BABAM2: variants seen among roughly 807,000 people sequenced by gnomAD.
BABAM2 encodes BRISC and BRCA1-A complex member 2.
In BABAM2, 31 loss-of-function variants were observed where a neutral mutation model predicts 54.7. The observed-to-expected ratio is 0.57, with a 90% CI of 0.43 to 0.77. The LOEUF is 0.77. Ranked by LOEUF, BABAM2 falls within the 30% of genes least tolerant of loss-of-function variation. The probability of loss-of-function intolerance (pLI) is 0.00; values close to 1 mark genes in which losing one functional copy is unlikely to be tolerated. For synonymous variants in BABAM2, 167 were observed against 162.9 expected, an observed-to-expected ratio of 1.03 and a Z score of -0.19; for missense variants, 364 against 455.8, an observed-to-expected ratio of 0.80 and a Z score of 1.83.
intron 3 of BABAM2, among the ~76,000 whole-genome samples, chr2:27,936,705 G>A (rs10194780): frequency 0.71 from 107,192 of 151,734 alleles, 38,784 homozygotes; most frequent in Middle Eastern, 0.83. Flanking sequence ...AGGACAAAAA[G>A]CCAAACACCG....
At chr2:28,138,931 A>G (rs767134164) in intron 7 of BABAM2, among the ~76,000 whole-genome samples, 5 of 152,178 alleles carry the variant, frequency 3.3e-5, no homozygotes, top group Non-Finnish European at 5.9e-5. Flanking sequence ...TCCTTGGTAC[A>G]ACAGCCTTTA....
At chr2:28,077,243 T>G (rs992486197) in intron 6 of BABAM2, among the ~76,000 whole-genome samples, 3 of 152,248 alleles carry the variant, frequency 2.0e-5, no homozygotes, top group African/African-American at 7.2e-5. Flanking sequence ...TTTGAATATC[T>G]TCTTACAGCA....
chr2:28,217,860 C>G (rs1282087205), intron 7 of BABAM2, among the ~76,000 whole-genome samples: 2 of 152,022 alleles, frequency 1.3e-5, no homozygotes, highest in South Asian at 2.1e-4. Flanking sequence ...TTACAGTGTT[C>G]GAGAAAACTA....
intron 7 of BABAM2, among the ~76,000 whole-genome samples, chr2:28,147,165 C>T (rs1050543412): frequency 3.3e-5 from 5 of 152,150 alleles, no homozygotes; most frequent in African/African-American, 2.4e-5. Context: ...ATTCTGAACT[C>T]GAAGGTTACA....
intron 3 of BABAM2, among the ~76,000 whole-genome samples, chr2:27,961,207 G>T (rs529517819): frequency 6.6e-6 from 1 of 152,302 alleles, no homozygotes; most frequent in African/African-American, 2.4e-5. Context: ...GAGATGTAGA[G>T]AATAGTCCTA....
At chr2:28,186,808 ATT>A (rs34747084) in intron 7 of BABAM2, among the ~76,000 whole-genome samples, 204 of 144,078 alleles carry the variant, frequency 1.4e-3, no homozygotes, top group East Asian at 3.9e-3. Flanking sequence ...GGAATTCAAC[ATT>A]TTTTTTTTTT....
intron 3 of BABAM2, among the ~76,000 whole-genome samples, chr2:27,980,397 A>T (rs1242427528): frequency 6.6e-6 from 1 of 152,160 alleles, no homozygotes; most frequent in East Asian, 1.9e-4. Context: ...GAGGTCAGGT[A>T]CTATGTTTTC....
intron 7 of BABAM2, among the ~76,000 whole-genome samples, chr2:28,234,979 G>A (rs529388011): frequency 6.6e-6 from 1 of 152,366 alleles, no homozygotes; most frequent in Admixed American, 6.5e-5. Context: ...TGCAGTTGCA[G>A]AATGCAGATG....
intron 1 of BABAM2, among the ~76,000 whole-genome samples, chr2:27,893,766 T>G (rs1342046493): frequency 6.6e-6 from 1 of 152,012 alleles, no homozygotes; most frequent in African/African-American, 2.4e-5. Context: ...GAGGCCATGG[T>G]GGGTGGATCA....
rs1200500932 is a variant in BABAM2 at position 28,026,971 on chromosome 2, A to AATATATATTAATATATATAAATAT, written c.495+1558_495+1559insTTAATATATATAAATATATATATA. Among the ~76,000 whole-genome samples the AATATATATTAATATATATAAATAT allele has an allele frequency of 2.8e-3, 242 of 86,712 alleles. 2 individuals carry two copies. Among genetic ancestry groups the AATATATATTAATATATATAAATAT allele is most frequent in the African/African-American group, 0.016 (230 of 14,342 alleles). The allele number at this position is 86,712 out of a possible 152,430, so 56.9% of individuals were successfully genotyped here. ...ATTAATATATATAAATATATATATA[A>AATATATATTAATATATATAAATAT]ATATATAAATATATATAAAAATATA... On this transcript the variant is annotated intron_variant, in intron 5 of 11. Transcript: ENST00000379624.
intron 7 of BABAM2, among the ~76,000 whole-genome samples, chr2:28,198,263 A>G (rs1199150458): frequency 6.6e-6 from 1 of 151,802 alleles, no homozygotes; most frequent in South Asian, 2.1e-4. Context: ...TCCCGGGTTC[A>G]CGCCATTTTC....
At chr2:28,166,896 G>A (rs1340859423) in intron 7 of BABAM2, among the ~76,000 whole-genome samples, 1 of 152,138 alleles carries the variant, frequency 6.6e-6, no homozygotes, top group Non-Finnish European at 1.5e-5. Flanking sequence ...ACCCTGATGA[G>A]TTTTAAATGC....
chr2:27,963,469 C>CAAAAA (rs760525051), intron 3 of BABAM2, among the ~76,000 whole-genome samples: 73 of 54,348 alleles, frequency 1.3e-3, no homozygotes, highest in African/African-American at 2.3e-3. Flanking sequence ...GACTCTTTCT[C>CAAAAA]AAAAAAAAAA....
chr2:28,288,037 C>G (rs1210963431), intron 10 of BABAM2, among the ~76,000 whole-genome samples: 3 of 152,130 alleles, frequency 2.0e-5, no homozygotes, highest in Non-Finnish European at 4.4e-5. Context: ...TGCTTTTGTC[C>G]TCATGAGAAC....
intron 4 of BABAM2, among the ~76,000 whole-genome samples, chr2:28,002,766 T>G (rs1673667990): frequency 6.6e-6 from 1 of 152,192 alleles, no homozygotes; most frequent in Admixed American, 6.5e-5. Flanking sequence ...ATATTTAATG[T>G]GATAAACTAA....
chr2:28,017,008 A>T (rs565942051), intron 4 of BABAM2, among the ~76,000 whole-genome samples: 84 of 152,346 alleles, frequency 5.5e-4, no homozygotes, highest in African/African-American at 2.0e-3. Context: ...CTTGCTCTGA[A>T]TAGTCCCAAA....
intron 6 of BABAM2, among the ~76,000 whole-genome samples, chr2:28,123,752 G>T (rs564149765): frequency 6.6e-6 from 1 of 152,068 alleles, no homozygotes; most frequent in Non-Finnish European, 1.5e-5. Context: ...ATACCATTTC[G>T]GGGAAATCTC....
chr2:28,029,399 A>T (rs2148577749), intron 5 of BABAM2, among the ~76,000 whole-genome samples: 1 of 152,120 alleles, frequency 6.6e-6, no homozygotes, highest in South Asian at 2.1e-4. Flanking sequence ...TTACTATTTT[A>T]TGTTTCTATG....
At chr2:28,213,263 A>G (rs1002270592) in intron 7 of BABAM2, among the ~76,000 whole-genome samples, 1 of 152,128 alleles carries the variant, frequency 6.6e-6, no homozygotes, top group East Asian at 1.9e-4. Flanking sequence ...AAGCTTTTAT[A>G]TGGAGATGTC....
Sources: gnomAD v4.1 joint callset for allele counts (sites outside exome capture counted in the v4.1 genomes callset) on GRCh38, gnomAD v4.1.1 for gene constraint, MANE v1.5 for transcripts, NCBI Gene and HGNC (gene_info 2026-07-23, HGNC 2026-07-21) for gene names.